The following DPH6 variants were observed in gnomAD, a reference collection of about 807,000 sequenced individuals.
DPH6 encodes diphthine--ammonia ligase.
A neutral mutation model predicts 38.2 loss-of-function variants in DPH6; 33 were observed. That is an observed-to-expected ratio of 0.86 (90% CI 0.65 to 1.15). The LOEUF is 1.15. Among genes scored for constraint, DPH6 ranks in the 50% most tolerant of loss-of-function variants. The pLI, the probability that DPH6 is intolerant of heterozygous loss-of-function variation, is 0.00. For missense variants in DPH6, 325 were observed against 320.0 expected, an observed-to-expected ratio of 1.02 and a Z score of -0.12; for synonymous variants, 108 against 103.0, an observed-to-expected ratio of 1.05 and a Z score of -0.30.
chr15:35,436,982 G>A (rs138023365), intron 5 of DPH6, among the ~76,000 whole-genome samples: 12 of 150,578 alleles, frequency 8.0e-5, no homozygotes, highest in East Asian at 2.0e-4. Context: ...TTTGGAGCTC[G>A]AAGGCTACTA....
At chr15:35,237,803 G>A in intron 3 of DPH6, 1 of 1,589,828 alleles carries the variant, frequency 6.3e-7, no homozygotes, top group Non-Finnish European at 8.6e-7. Context: ...TAACTTGGAT[G>A]CTGAGGGCTA....
At chr15:35,413,781 T>C (rs1254213317) in intron 5 of DPH6, among the ~76,000 whole-genome samples, 1 of 151,682 alleles carries the variant, frequency 6.6e-6, no homozygotes, top group Non-Finnish European at 1.5e-5. Context: ...GACCTGTTTC[T>C]ACCATCTGAG....
intron 3 of DPH6, among the ~76,000 whole-genome samples, chr15:35,264,093 C>T (rs2051767521): frequency 9.3e-6 from 1 of 107,380 alleles, no homozygotes; most frequent in Non-Finnish European, 2.5e-5. Context: ...GGATTTAAGC[C>T]TTGTTTTTTT....
intron 3 of DPH6, among the ~76,000 whole-genome samples, chr15:35,225,818 A>G (rs1301893973): frequency 2.0e-5 from 3 of 152,230 alleles, no homozygotes; most frequent in Admixed American, 6.5e-5. Context: ...GACTTTTCTT[A>G]AATTTAAATA....
chr15:35,508,559 A>G (rs951270644), intron 3 of DPH6, among the ~76,000 whole-genome samples: 1 of 152,068 alleles, frequency 6.6e-6, no homozygotes, highest in African/African-American at 2.4e-5. Flanking sequence ...AGTTTTTTTT[A>G]TATCATAAAA....
chr15:35,179,511 T>C, the DPH6 span, among the ~76,000 whole-genome samples: 1 of 152,292 alleles, frequency 6.6e-6, no homozygotes, highest in East Asian at 1.9e-4. Context: ...AAAGAACATT[T>C]ACTTGTAAGG....
intron 3 of DPH6, among the ~76,000 whole-genome samples, chr15:35,496,567 A>AAAAAAAAATATATATATATATATATAT: frequency 3.2e-5 from 1 of 31,014 alleles, no homozygotes; most frequent in Non-Finnish European, 5.3e-5. Flanking sequence ...AAAAAAAAAA[A>AAAAAAAAATATATATATATATATATAT]ATATATATAT....
At chr15:35,443,536 T>G (rs2141062540) in intron 5 of DPH6, among the ~76,000 whole-genome samples, 1 of 152,260 alleles carries the variant, frequency 6.6e-6, no homozygotes, top group South Asian at 2.1e-4. Context: ...CTTGGAAAAG[T>G]AAAGGGAAGG....
At chr15:35,179,204 C>CAA in the DPH6 span, among the ~76,000 whole-genome samples, 196 of 50,530 alleles carry the variant, frequency 3.9e-3, 2 homozygotes, top group Middle Eastern at 0.021. Context: ...ACAACTCTGT[C>CAA]AAAAAAAAAA....
chr15:35,360,157 T>C (rs1489259929), intron 3 of DPH6, among the ~76,000 whole-genome samples: 2 of 152,212 alleles, frequency 1.3e-5, no homozygotes, highest in Non-Finnish European at 2.9e-5. Context: ...AGACTGATTT[T>C]TGCAGGTAAA....
At chr15:35,518,672 T>C (rs2054880872) in intron 3 of DPH6, among the ~76,000 whole-genome samples, 2 of 152,002 alleles carry the variant, frequency 1.3e-5, no homozygotes, top group African/African-American at 4.8e-5. Context: ...CAAGAAATGC[T>C]ATCCCAACTT....
chr15:35,214,036 C>T (rs1407429632), downstream of DPH6, among the ~76,000 whole-genome samples: 6 of 151,814 alleles, frequency 4.0e-5, no homozygotes, highest in Admixed American at 2.0e-4. Context: ...GGCGTGAACC[C>T]GCGAGACAGA....
chr15:35,306,159 T>C (rs2052089163), intron 3 of DPH6, among the ~76,000 whole-genome samples: 1 of 152,228 alleles, frequency 6.6e-6, no homozygotes, highest in Admixed American at 6.5e-5. Context: ...GCTCATTCTA[T>C]AAGAATGCTA....
chr15:35,542,967 A>ATATATATATATAT (rs1566946762), intron 1 of DPH6, among the ~76,000 whole-genome samples: 5 of 15,582 alleles, frequency 3.2e-4, no homozygotes, highest in East Asian at 4.4e-3. Flanking sequence ...TATATATATA[A>ATATATATATATAT]AATAATTTCA....
chr15:35,176,099 A>G, the DPH6 span, among the ~76,000 whole-genome samples: 6 of 152,236 alleles, frequency 3.9e-5, no homozygotes, highest in Non-Finnish European at 8.8e-5. Context: ...CCAGACTTCA[A>G]ATGATGAACA....
chr15:35,216,861 A>ATATC (rs2051412987), downstream of DPH6, among the ~76,000 whole-genome samples: 1 of 152,194 alleles, frequency 6.6e-6, no homozygotes, highest in African/African-American at 2.4e-5. Context: ...GAGGGCCCTT[A>ATATC]TATCTACTGG....
chr15:35,352,345 A>G (rs892046516), intron 3 of DPH6, among the ~76,000 whole-genome samples: 7 of 152,244 alleles, frequency 4.6e-5, no homozygotes, highest in Non-Finnish European at 1.0e-4. Context: ...TTTGTTACAT[A>G]TGTATACATG....
intron 3 of DPH6, among the ~76,000 whole-genome samples, chr15:35,284,801 A>ATTTTTTTTTTTTTTTTT (rs71123127): frequency 1.3e-5 from 1 of 79,216 alleles, no homozygotes; most frequent in Non-Finnish European, 2.1e-5. Context: ...AAGTCTCCAA[A>ATTTTTTTTTTTTTTTTT]TTTTTTTTTT....
At chr15:35,255,261 T>G (rs2051699829) in intron 3 of DPH6, among the ~76,000 whole-genome samples, 1 of 152,200 alleles carries the variant, frequency 6.6e-6, no homozygotes, top group Admixed American at 6.5e-5. Flanking sequence ...AAGAAGGTTA[T>G]AAAGTAATCC....
Sources: allele counts gnomAD v4.1 joint callset (sites outside exome capture counted in the v4.1 genomes callset), GRCh38; gene constraint gnomAD v4.1.1; transcripts MANE v1.5; gene names NCBI Gene and HGNC (gene_info 2026-07-23, HGNC 2026-07-21).